KCNJ15: variants seen among roughly 807,000 people sequenced by gnomAD.
KCNJ15 encodes the protein potassium inwardly rectifying channel subfamily J member 15.
KCNJ15 carries 14 observed loss-of-function variants against 23.0 expected under a neutral mutation model. The observed-to-expected ratio is 0.61, with a 90% CI of 0.40 to 0.95. The LOEUF is 0.95. Ranked by LOEUF, KCNJ15 falls within the 40% of genes least tolerant of loss-of-function variation. The pLI is 0.00. For synonymous variants in KCNJ15, 185 were observed against 183.2 expected (o/e 1.01, Z -0.08); for missense variants, 388 against 461.8 (o/e 0.84, Z 1.46).
At chr21:38,288,026 C>CTCTTTTTTT (rs1984109386) in intron 1 of KCNJ15, among the ~76,000 whole-genome samples, 1 of 78,170 alleles carries the variant, frequency 1.3e-5, no homozygotes. Flanking sequence ...TTGTTTTTTT[C>CTCTTTTTTT]TTTGTTTTTT....
intron 1 of KCNJ15, among the ~76,000 whole-genome samples, chr21:38,236,571 A>T (rs1347003504): frequency 6.6e-6 from 1 of 152,184 alleles, no homozygotes; most frequent in South Asian, 2.1e-4. Context: ...CCCAAGTCAG[A>T]TGCTTTGTTC....
chr21:38,249,374 A>G (rs1345435364), intron 1 of KCNJ15, among the ~76,000 whole-genome samples: 1 of 152,164 alleles, frequency 6.6e-6, no homozygotes, highest in Non-Finnish European at 1.5e-5. Context: ...ACTGCTGCCT[A>G]CTAAGTACAC....
At chr21:38,279,081 C>G (rs929521866) in intron 1 of KCNJ15, among the ~76,000 whole-genome samples, 2 of 152,112 alleles carry the variant, frequency 1.3e-5, no homozygotes, top group South Asian at 4.1e-4. Flanking sequence ...TCTAAACCAA[C>G]GCAGTGACAG....
intron 1 of KCNJ15, among the ~76,000 whole-genome samples, chr21:38,237,829 C>A (rs938273328): frequency 6.6e-6 from 1 of 152,086 alleles, no homozygotes; most frequent in South Asian, 2.1e-4. Flanking sequence ...AGAGAGCTAC[C>A]CTTTGGGACA....
intron 1 of KCNJ15, among the ~76,000 whole-genome samples, chr21:38,243,873 T>C (rs1979181109): frequency 6.6e-6 from 1 of 152,232 alleles, no homozygotes; most frequent in African/African-American, 2.4e-5. Context: ...AGCTATAGTT[T>C]GCTGGCCCAG....
intron 1 of KCNJ15, among the ~76,000 whole-genome samples, chr21:38,283,949 C>T (rs2123686832): frequency 1.3e-5 from 2 of 152,316 alleles, no homozygotes; most frequent in Admixed American, 1.3e-4. Flanking sequence ...TACTCAGGCT[C>T]AGTCTGGGTT....
At chr21:38,267,642 A>G (rs922882422) in intron 1 of KCNJ15, among the ~76,000 whole-genome samples, 2 of 152,100 alleles carry the variant, frequency 1.3e-5, no homozygotes, top group African/African-American at 2.4e-5. Context: ...AGATGGAGGG[A>G]GTTGAAGGGA....
chr21:38,295,909 A>G (rs1985102467), intron 1 of KCNJ15, among the ~76,000 whole-genome samples: 2 of 152,372 alleles, frequency 1.3e-5, no homozygotes, highest in South Asian at 4.1e-4. Context: ...TCATTTGCCA[A>G]ACATGCTGTG....
intron 1 of KCNJ15, among the ~76,000 whole-genome samples, chr21:38,292,781 C>T (rs1159598867): frequency 2.6e-5 from 4 of 151,872 alleles, no homozygotes; most frequent in Admixed American, 2.6e-4. Context: ...CCAAGCTGGC[C>T]AACATGGTGA....
intron 1 of KCNJ15, among the ~76,000 whole-genome samples, chr21:38,280,529 C>T (rs895231057): frequency 2.0e-5 from 3 of 152,108 alleles, no homozygotes; most frequent in Non-Finnish European, 4.4e-5. Flanking sequence ...ATATAAGCGA[C>T]GCCTGACTTA....
chr21:38,257,435 G>T (rs1260621426), intron 1 of KCNJ15, among the ~76,000 whole-genome samples: 1 of 152,024 alleles, frequency 6.6e-6, no homozygotes, highest in Non-Finnish European at 1.5e-5. Flanking sequence ...TCCAGATGTC[G>T]TCTTGTTTGC....
intron 1 of KCNJ15, among the ~76,000 whole-genome samples, chr21:38,295,603 TC>T (rs1211562134): frequency 6.6e-6 from 1 of 152,134 alleles, no homozygotes; most frequent in African/African-American, 2.4e-5. Context: ...AAACTATTCT[TC>T]TCTCATTCTT....
intron 1 of KCNJ15, among the ~76,000 whole-genome samples, chr21:38,240,270 A>G (rs1462467794): frequency 6.6e-6 from 1 of 152,204 alleles, no homozygotes; most frequent in African/African-American, 2.4e-5. Flanking sequence ...GAATAAAAAC[A>G]AGGAGGAATT....
At chr21:38,284,463 G>A (rs1205124397) in intron 1 of KCNJ15, among the ~76,000 whole-genome samples, 1 of 152,104 alleles carries the variant, frequency 6.6e-6, no homozygotes, top group Non-Finnish European at 1.5e-5. Flanking sequence ...AGAGCTCCTG[G>A]CTAGTAGCTC....
chr21:38,231,111 T>A (rs1988725471), intron 1 of KCNJ15, among the ~76,000 whole-genome samples: 1 of 152,112 alleles, frequency 6.6e-6, no homozygotes, highest in African/African-American at 2.4e-5. Context: ...CGTTTTGTAG[T>A]TGTACAAAGT....
intron 1 of KCNJ15, among the ~76,000 whole-genome samples, chr21:38,240,037 A>G (rs1318647700): frequency 2.6e-5 from 4 of 152,120 alleles, no homozygotes. Context: ...TTTGGAGTGT[A>G]TGCCCTATTT....
Position 38,269,473 on chromosome 21 carries a change from T to C in KCNJ15, c.-117+12288T>C, listed in dbSNP as rs531014969. Among the ~76,000 whole-genome samples the C allele has an allele frequency of 2.2e-3, 328 of 152,346 alleles. 4 individuals carry two copies. The highest frequency in any genetic ancestry group is 5.8e-4 in the East Asian group (3 of 5,184). On this transcript the variant is annotated intron_variant, in intron 1 of 2. Transcript: ENST00000398938. ...CGAAATTACCCTTGTCATTGTTTTT[T>C]TCTGGGGTTGCTTCTTTCATTTCTG... is the stretch of plus-strand genomic sequence containing the variant.
intron 1 of KCNJ15, among the ~76,000 whole-genome samples, chr21:38,248,871 C>A (rs1316697114): frequency 6.6e-6 from 1 of 152,090 alleles, no homozygotes; most frequent in African/African-American, 2.4e-5. Flanking sequence ...ACAGAACACA[C>A]GTGGTGCAGG....
At chr21:38,250,583 C>T (rs560326116) in intron 1 of KCNJ15, among the ~76,000 whole-genome samples, 17 of 152,308 alleles carry the variant, frequency 1.1e-4, no homozygotes, top group Non-Finnish European at 1.9e-4. Flanking sequence ...ATGCTTCAGA[C>T]AGTTTGATGG....
Sources: allele counts gnomAD v4.1 joint callset (sites outside exome capture counted in the v4.1 genomes callset), GRCh38; gene constraint gnomAD v4.1.1; transcripts MANE v1.5; gene names NCBI Gene and HGNC (gene_info 2026-07-23, HGNC 2026-07-21).